CDC27: variants seen among roughly 807,000 people sequenced by gnomAD.
CDC27 encodes cell division cycle protein 27 homolog.
Under a neutral mutation model 109.7 loss-of-function variants are expected in CDC27, and 27 were observed. The ratio of observed to expected loss-of-function variants is 0.25; its 90% CI spans 0.18 to 0.34. The LOEUF (loss-of-function observed/expected upper bound fraction) is 0.34, where lower values mean the gene tolerates loss of function less well. Among genes scored for constraint, CDC27 ranks in the 10% least tolerant of loss-of-function variants. CDC27 has a pLI of 1.00. For synonymous variants in CDC27, 266 were observed against 333.9 expected (o/e 0.80, Z 2.22); for missense variants, 579 against 960.2 (o/e 0.60, Z 5.25).
In CDC27 at chr17:47,183,605, A is replaced by G. The variant is rs189526491; in HGVS notation, c.28-1968T>C. On this transcript the variant is annotated intron_variant, in intron 1 of 18. Transcript: ENST00000066544. ...GAAAAAGATGAGATTAGGCACCATT[A>G]TTATACACTCTAATTGCACCAAGTA... is the stretch of plus-strand genomic sequence containing the variant. Among the ~76,000 whole-genome samples the G allele has an allele frequency of 3.5e-3, 529 of 152,302 alleles. 6 individuals carry two copies. The highest frequency in any genetic ancestry group is 0.034 in the Middle Eastern group (10 of 294).
intron 4 of CDC27, 107 bp downstream of exon 4, chr17:47,169,810 C>T (rs922408392): frequency 2.2e-6 from 2 of 906,024 alleles, no homozygotes; most frequent in South Asian, 2.3e-5. Flanking sequence ...CTATGTACTA[C>T]TCAGCCAAGT....
intron 14 of CDC27, among the ~76,000 whole-genome samples, chr17:47,134,289 C>A (rs1291949908): frequency 6.7e-6 from 1 of 149,140 alleles, no homozygotes; most frequent in Admixed American, 7.0e-5. Context: ...AGAAACCACA[C>A]CCCTAAACCC....
At chr17:47,124,473 G>A (rs1042277905) in intron 16 of CDC27, among the ~76,000 whole-genome samples, 2 of 151,982 alleles carry the variant, frequency 1.3e-5, no homozygotes, top group African/African-American at 2.4e-5. Flanking sequence ...TAGTAGAGAC[G>A]GGGTTTCACC....
At chr17:47,126,182 T>C (rs936454974) in intron 16 of CDC27, among the ~76,000 whole-genome samples, 2 of 152,174 alleles carry the variant, frequency 1.3e-5, no homozygotes, top group Non-Finnish European at 2.9e-5. Context: ...AGCCAGAAAA[T>C]CTCAGAAGCA....
chr17:47,188,989 A>C (rs1161370545), intron 1 of CDC27, 157 bp downstream of exon 1: 3 of 1,481,120 alleles, frequency 2.0e-6, no homozygotes, highest in Non-Finnish European at 2.7e-6. Flanking sequence ...GGCTGTGGGC[A>C]AGGCCTCCGA....
intron 6 of CDC27, 28 bp downstream of exon 6, chr17:47,157,202 T>C (rs1418380715): frequency 7.6e-6 from 12 of 1,588,318 alleles, no homozygotes; most frequent in Non-Finnish European, 1.0e-5. Context: ...TTCATAATAT[T>C]TTGAACACTA....
chr17:47,169,976 A>C lies in CDC27; in HGVS notation c.318T>G (p.Ile106Met). ...VFNKQKSHDD[I>M]VTEFGDSACF... Reference sequence around the variant, plus strand: ...AAGCTGAATCACCAAACTCAGTAACAATATCATCATGGCTTTTCTGCTTAT... The same window carrying C: ...AAGCTGAATCACCAAACTCAGTAACCATATCATCATGGCTTTTCTGCTTAT... The change falls in exon 4 of 19, where the codon ATT (isoleucine) becomes ATG (methionine). Residue 106 changes from isoleucine to methionine, a missense_variant. Ile to Met is a conservative substitution (Grantham distance 10). Transcript: ENST00000066544. 1.9e-6 allele frequency: 3 copies of C among 1,598,576 alleles called. No individual in the cohort carries two copies. In the South Asian group the frequency reaches 3.4e-5, roughly 18 times the overall value.
At chr17:47,176,965 G>A (rs984088929) in intron 2 of CDC27, among the ~76,000 whole-genome samples, 1 of 151,938 alleles carries the variant, frequency 6.6e-6, no homozygotes, top group Non-Finnish European at 1.5e-5. Flanking sequence ...TGTGAGTTTG[G>A]GCTCTCAGTA....
chr17:47,142,899 C>T (rs1009892906), intron 10 of CDC27, among the ~76,000 whole-genome samples: 2 of 152,184 alleles, frequency 1.3e-5, no homozygotes, highest in African/African-American at 4.8e-5. Flanking sequence ...TGGTCTCGAA[C>T]TCCTGACCTT....
chr17:47,130,597 G>T (rs1466781229), intron 15 of CDC27, among the ~76,000 whole-genome samples: 3 of 151,860 alleles, frequency 2.0e-5, no homozygotes, highest in Non-Finnish European at 4.4e-5. Context: ...GGGGTGGGCT[G>T]GGCCCGGTGG....
chr17:47,119,915 C>T lies in CDC27; in HGVS notation c.*1020G>A, dbSNP rs1842489106. The T allele has an allele frequency of 6.6e-6, 1 of 152,166 alleles. No homozygotes were observed. Among genetic ancestry groups the T allele is most frequent in the Non-Finnish European group, 1.5e-5 (1 of 68,004 alleles). 9.4% of individuals were successfully genotyped at this position (152,166 alleles called of 1,614,324 possible). A position where few individuals can be genotyped will look rare whatever the true frequency, so the allele number is the denominator to read the frequency against. Reference sequence around the variant, plus strand: ...TCAAAAAGAATGGAAAGGATCTCAACCAAAGGTAACCACACATTCTTACAC... The same window carrying T: ...TCAAAAAGAATGGAAAGGATCTCAATCAAAGGTAACCACACATTCTTACAC... On this transcript the variant is annotated 3_prime_UTR_variant, in exon 19 of 19. Coordinates refer to ENST00000066544, the MANE Select transcript of CDC27 (RefSeq NM_001256.6).
chr17:47,149,964 CA>C (rs1210555284), intron 9 of CDC27, among the ~76,000 whole-genome samples: 1 of 151,132 alleles, frequency 6.6e-6, no homozygotes, highest in African/African-American at 2.4e-5. Context: ...AAAACAAAAA[CA>C]AAAACAAAAA....
At chr17:47,182,004 T>C (rs1438925859) in intron 1 of CDC27, among the ~76,000 whole-genome samples, 1 of 152,206 alleles carries the variant, frequency 6.6e-6, no homozygotes, top group Non-Finnish European at 1.5e-5. Flanking sequence ...GTCAAGCCAT[T>C]TCTTTTTTAA....
intron 15 of CDC27, among the ~76,000 whole-genome samples, chr17:47,131,295 C>T (rs2062322900): frequency 1.3e-5 from 2 of 152,072 alleles, no homozygotes; most frequent in Admixed American, 6.6e-5. Context: ...CCATTTTTTC[C>T]GTAGTAGCTA....
chr17:47,154,764 T>C lies in CDC27; in HGVS notation c.865A>G (p.Thr289Ala). 6.2e-7 allele frequency: 1 copy of C among 1,601,266 alleles called. No homozygotes were observed. Among genetic ancestry groups the C allele is most frequent in the Admixed American group, 1.7e-5 (1 of 59,822 alleles). ...TAGGATCCATCTCCAGGACTTGGGG[T>C]TTCTAATGGCAAAATCCCAAAACTG... ...TPSFGILPLETPSPGDGSYLQ... is the reference protein window; with the variant it reads ...TPSFGILPLEAPSPGDGSYLQ... The change falls in exon 8 of 19, where the codon ACC becomes GCC. Residue 289 changes from threonine (T) to alanine (A), a missense_variant. Thr to Ala is a moderately conservative substitution (Grantham distance 58). Transcript: ENST00000066544.
In CDC27 at chr17:47,189,128, G is replaced by A; in HGVS notation, c.27+18C>T. ...CCGAGGCTGCCAGCCAAGCCCCAGAGAAGAAGGTTATCATTACCTGGACGG... is the reference window on the plus strand; with the variant it reads ...CCGAGGCTGCCAGCCAAGCCCCAGAAAAGAAGGTTATCATTACCTGGACGG... On this transcript the variant is annotated intron_variant, in intron 1 of 18. Coordinates refer to ENST00000066544, the MANE Select transcript of CDC27 (RefSeq NM_001256.6). 5.0e-6 allele frequency: 8 copies of A among 1,612,522 alleles called. No homozygotes were observed. Among genetic ancestry groups the A allele is most frequent in the Non-Finnish European group, 5.9e-6 (7 of 1,178,614 alleles).
At chr17:47,181,707 C>T (rs889307109) in intron 1 of CDC27, 70 bp from the exon 2 acceptor site, 17 of 751,308 alleles carry the variant, frequency 2.3e-5, no homozygotes, top group Non-Finnish European at 3.4e-5. Flanking sequence ...TAGCACACAG[C>T]CTTACATCAA....
intron 6 of CDC27, 24 bp downstream of exon 6, chr17:47,157,206 A>G: frequency 6.3e-7 from 1 of 1,591,758 alleles, no homozygotes; most frequent in Non-Finnish European, 8.6e-7. Context: ...TAATATTTTG[A>G]ACACTAGAAT....
At chr17:47,156,379 C>A (rs1204437965) in intron 7 of CDC27, among the ~76,000 whole-genome samples, 1 of 152,044 alleles carries the variant, frequency 6.6e-6, no homozygotes, top group African/African-American at 2.4e-5. Flanking sequence ...ACCTCGTGAT[C>A]TGCCCACCTT....
Sources: gnomAD v4.1 joint callset for allele counts (sites outside exome capture counted in the v4.1 genomes callset) on GRCh38, gnomAD v4.1.1 for gene constraint, MANE v1.5 for transcripts, NCBI Gene and HGNC (gene_info 2026-07-23, HGNC 2026-07-21) for gene names.